Variants in TRNT1 observed in about 807,000 individuals in gnomAD.
TRNT1 encodes tRNA nucleotidyl transferase 1.
TRNT1 carries 44 observed loss-of-function variants against 45.6 expected under a neutral mutation model. That is an observed-to-expected ratio of 0.97 (90% CI 0.76 to 1.24). The LOEUF (loss-of-function observed/expected upper bound fraction) is 1.24, where lower values mean the gene tolerates loss of function less well. TRNT1 is among the 50% of genes most tolerant of loss of function. The pLI, the probability that TRNT1 is intolerant of heterozygous loss-of-function variation, is 0.00. For synonymous variants in TRNT1, 201 were observed against 171.4 expected (o/e 1.17, Z -1.35); for missense variants, 633 against 504.4 (o/e 1.25, Z -2.44).
chr3:3,149,505 A>AGGTAACTCATT (rs1358613746), downstream of TRNT1: 1 of 152,104 alleles, frequency 6.6e-6, no homozygotes, highest in East Asian at 1.9e-4. Context: ...CAGAGGGACA[A>AGGTAACTCATT]GGTAACTCAT....
chr3:3,134,058 T>TA (rs1376081663), intron 2 of TRNT1, among the ~76,000 whole-genome samples: 1 of 152,204 alleles, frequency 6.6e-6, no homozygotes, highest in Non-Finnish European at 1.5e-5. Context: ...TTGGAGCAAA[T>TA]AAACGTAGTT....
intron 2 of TRNT1, chr3:3,129,606 A>T: frequency 2.0e-6 from 1 of 506,738 alleles, no homozygotes; most frequent in Non-Finnish European, 3.5e-6. Context: ...GAATATTAAA[A>T]GAGAAAGGCT....
chr3:3,150,471 A>T (rs1314814291), downstream of TRNT1: 1 of 211,446 alleles, frequency 4.7e-6, no homozygotes, highest in Admixed American at 5.4e-5. Flanking sequence ...TGTCCCATAC[A>T]TCAGGATCAA....
Position 3,144,701 on chromosome 3 carries a change from G to C in TRNT1, c.599G>C (p.Arg200Thr). The C allele has an allele frequency of 6.5e-7, 1 of 1,534,462 alleles. No homozygotes were observed. The highest frequency in any genetic ancestry group is 1.2e-5 in the South Asian group (1 of 83,500). The change falls in exon 5 of 8, where the codon AGA (arginine) becomes ACA (threonine). Residue 200 changes from arginine (R) to threonine (T), a missense_variant. Coordinates refer to ENST00000251607, the MANE Select transcript of TRNT1 (RefSeq NM_182916.3). ...CAAGAGGATTATCTTAGAATTTTAA[G>C]ATACTTCAGGTAAGAATTTTTAAAA... ...RIQEDYLRIL[R>T]YFRFYGRIVD...
downstream of TRNT1, chr3:3,149,950 A>C (rs1706380512): frequency 6.6e-6 from 1 of 152,200 alleles, no homozygotes; most frequent in Non-Finnish European, 1.5e-5. Flanking sequence ...GTGGCAAAGC[A>C]GCCTTTTTAG....
chr3:3,151,328 G>C (rs1444755149), downstream of TRNT1, among the ~76,000 whole-genome samples: 1 of 152,086 alleles, frequency 6.6e-6, no homozygotes, highest in Non-Finnish European at 1.5e-5. Context: ...GAAATTGCTG[G>C]TTGCCAAGAC....
At chr3:3,130,170 AT>A (rs1348087835) in intron 2 of TRNT1, 2 of 581,102 alleles carry the variant, frequency 3.4e-6, no homozygotes, top group Non-Finnish European at 6.1e-6. Flanking sequence ...ATTTAGTAGT[AT>A]ATGTAGAAAT....
chr3:3,128,783 G>A (rs539513610), intron 1 of TRNT1, among the ~76,000 whole-genome samples: 80 of 126,122 alleles, frequency 6.3e-4, no homozygotes, highest in African/African-American at 2.2e-3. Context: ...AACAGTTATG[G>A]AGGCCTGCGC....
chr3:3,127,638 G>A (rs1045085618), intron 1 of TRNT1: 2 of 152,322 alleles, frequency 1.3e-5, no homozygotes, highest in African/African-American at 4.8e-5. Flanking sequence ...AAAATACAAT[G>A]TCTAGGAGCT....
chr3:3,134,906 T>G (rs568312757), intron 2 of TRNT1, among the ~76,000 whole-genome samples: 2 of 152,204 alleles, frequency 1.3e-5, no homozygotes, highest in South Asian at 4.1e-4. Context: ...AACCTTACCT[T>G]CAGGTGAGGC....
chr3:3,152,433 A>AG, downstream of TRNT1: 1 of 1,601,568 alleles, frequency 6.2e-7, no homozygotes, highest in Non-Finnish European at 8.5e-7. Flanking sequence ...GAAAAAAAAA[A>AG]GCAACCACCA....
rs1479868202 is a variant in TRNT1 at position 3,128,883 on chromosome 3, C to T, written c.-27-131C>T. On this transcript the variant is annotated intron_variant, in intron 1 of 7. Coordinates refer to ENST00000251607, the MANE Select transcript of TRNT1 (RefSeq NM_182916.3). ...TAGTCGTAATCCCTCAAACTGACACCGTTTTCAGTTTTTTCATCTGAACAA... is the reference window on the plus strand; with the variant it reads ...TAGTCGTAATCCCTCAAACTGACACTGTTTTCAGTTTTTTCATCTGAACAA... 1.0e-5 allele frequency: 7 copies of T among 698,514 alleles called. No homozygotes were observed. The South Asian group carries it at 1.3e-4, about 13-fold the overall frequency. The allele number at this position is 698,514 out of a possible 1,614,324, so 43.3% of individuals were successfully genotyped here. A position where few individuals can be genotyped will look rare whatever the true frequency, so the allele number is the denominator to read the frequency against.
intron 2 of TRNT1, among the ~76,000 whole-genome samples, chr3:3,134,241 A>G (rs1339148009): frequency 2.6e-5 from 4 of 152,202 alleles, no homozygotes; most frequent in Non-Finnish European, 5.9e-5. Context: ...AGTAACAGGA[A>G]TAAATAAATC....
chr3:3,135,919 A>C (rs1289712967), intron 2 of TRNT1, among the ~76,000 whole-genome samples: 1 of 152,168 alleles, frequency 6.6e-6, no homozygotes, highest in African/African-American at 2.4e-5. Context: ...GGGCTTTAGA[A>C]ATGACTTCTT....
chr3:3,127,865 A>AG (rs1704692767), intron 1 of TRNT1: 2 of 152,122 alleles, frequency 1.3e-5, no homozygotes, highest in Admixed American at 1.3e-4. Context: ...CACCAAACCG[A>AG]GGGTTGGGCT....
In TRNT1 at chr3:3,128,912, A is replaced by G. The variant is rs987702433; in HGVS notation, c.-27-102A>G. Reference sequence around the variant, plus strand: ...TTCAGTTTTTTCATCTGAACAAGAGATGAATTTCTGAGTTGATAAACTTGA... The same window carrying G: ...TTCAGTTTTTTCATCTGAACAAGAGGTGAATTTCTGAGTTGATAAACTTGA... On this transcript the variant is annotated intron_variant, in intron 1 of 7. Coordinates refer to ENST00000251607, the MANE Select transcript of TRNT1 (RefSeq NM_182916.3). 1.6e-5 allele frequency: 14 copies of G among 891,544 alleles called. No individual in the cohort carries two copies. In the African/African-American group the frequency reaches 2.3e-4, roughly 15 times the overall value. 55.2% of individuals were successfully genotyped at this position (891,544 alleles called of 1,614,324 possible).
At chr3:3,133,652 T>A (rs889020317) in intron 2 of TRNT1, among the ~76,000 whole-genome samples, 3 of 152,156 alleles carry the variant, frequency 2.0e-5, no homozygotes, top group African/African-American at 7.2e-5. Flanking sequence ...CATTAATGGA[T>A]GAGCAAGGAC....
At chr3:3,136,422 G>A (rs765060522) in intron 2 of TRNT1, among the ~76,000 whole-genome samples, 1 of 152,146 alleles carries the variant, frequency 6.6e-6, no homozygotes, top group African/African-American at 2.4e-5. Flanking sequence ...GTTCTACCTA[G>A]AGCACAGATA....
At chr3:3,152,627 G>A (rs1212093861), downstream of TRNT1, 1 of 1,612,792 alleles carries the variant, frequency 6.2e-7, no homozygotes, top group Non-Finnish European at 8.5e-7. Context: ...GTCAAAACGA[G>A]AAGTCTAATT....
Sources: gnomAD v4.1 joint callset for allele counts (sites outside exome capture counted in the v4.1 genomes callset) on GRCh38, gnomAD v4.1.1 for gene constraint, MANE v1.5 for transcripts, NCBI Gene and HGNC (gene_info 2026-07-23, HGNC 2026-07-21) for gene names.